Variants in KNG1 observed in about 807,000 individuals in gnomAD.
The protein encoded by KNG1 is kininogen-1.
KNG1 carries 23 observed loss-of-function variants against 47.8 expected under a neutral mutation model. The ratio of observed to expected loss-of-function variants is 0.48; its 90% confidence interval spans 0.35 to 0.68. KNG1 has a LOEUF of 0.68. KNG1 is among the 30% of genes least tolerant of loss of function. The pLI is 0.01. For synonymous variants in KNG1, 277 were observed against 277.0 expected (o/e 1.00, Z 0.00); for missense variants, 762 against 790.2 (o/e 0.96, Z 0.43).
Position 186,724,294 on chromosome 3 carries a change from T to C in KNG1, c.392-794T>C, listed in dbSNP as rs2108622012. ...AGCTCTGTGGTGAAGAAGTCCAGGC[T>C]CCCAGGGGGTCCCTCCAGGTGTGCC... is the stretch of plus-strand genomic sequence containing the variant. On this transcript the variant is annotated intron_variant, in intron 3 of 9. Transcript: ENST00000644859. Among the ~76,000 whole-genome samples, 3 of 152,338 alleles carry C rather than the reference T, an allele frequency of 2.0e-5. No individual in the cohort carries two copies. The East Asian group carries it at 5.8e-4, about 29-fold the overall frequency.
intron 5 of KNG1, among the ~76,000 whole-genome samples, chr3:186,730,509 A>T (rs1477681103): frequency 6.6e-6 from 1 of 151,644 alleles, no homozygotes; most frequent in East Asian, 1.9e-4. Context: ...CAAAAAAATT[A>T]GCCGGGTGTG....
Position 186,742,450 on chromosome 3 carries a change from T to A in KNG1, c.*119T>A. 2 of 1,525,384 alleles carry A rather than the reference T, an allele frequency of 1.3e-6. No individual in the cohort carries two copies. The highest frequency in any genetic ancestry group is 1.2e-5 in the South Asian group (1 of 81,192). 94.5% of individuals were successfully genotyped at this position (1,525,384 alleles called of 1,614,324 possible). A position where few individuals can be genotyped will look rare whatever the true frequency, so the allele number is the denominator to read the frequency against. ...CAAAAACCATGCAGCTTCGGAACAG[T>A]CTAAAGAGAAGTGGTGAGACTCCCA... On this transcript the variant is annotated 3_prime_UTR_variant, in exon 10 of 10. Transcript: ENST00000644859.
At chr3:186,739,814 G>A (rs1384061596) in intron 9 of KNG1, among the ~76,000 whole-genome samples, 2 of 152,218 alleles carry the variant, frequency 1.3e-5, no homozygotes, top group East Asian at 3.9e-4. Flanking sequence ...CACTTTGGGA[G>A]GCTGAAGCAG....
intron 4 of KNG1, 68 bp downstream of exon 4, chr3:186,725,328 T>C: frequency 7.0e-7 from 1 of 1,438,496 alleles, no homozygotes; most frequent in Non-Finnish European, 9.8e-7. Context: ...ATTTAAAATG[T>C]ATGATTGCAT....
In KNG1 at chr3:186,741,624, G is replaced by T. The variant is rs773609264; in HGVS notation, c.1228G>T (p.Ala410Ser). 2 of 1,613,542 alleles carry T rather than the reference G, an allele frequency of 1.2e-6. No homozygotes were observed. The highest frequency in any genetic ancestry group is 1.3e-5 in the African/African-American group (1 of 74,840). Residue 410 changes from alanine to serine, a missense_variant, in exon 10 of 10, where the codon GCA becomes TCA. Transcript: ENST00000644859. ...TGTAAGTCCACCCCACACTTCCATG[G>T]CACCTGCACAAGATGAAGAGCGGGA... The part of the protein sequence containing the change: ...TTVSPPHTSM[A>S]PAQDEERDSG...
intron 2 of KNG1, chr3:186,720,477 C>G (rs1720158760): frequency 6.5e-6 from 3 of 460,346 alleles, no homozygotes; most frequent in African/African-American, 3.9e-5. Context: ...GTGGCTCAGA[C>G]TCCAGAGAGA....
chr3:186,720,540 G>T, intron 2 of KNG1: 18 of 341,036 alleles, frequency 5.3e-5, no homozygotes, highest in South Asian at 1.1e-4. Flanking sequence ...GAGGGGGTGG[G>T]TGCTTCCATT....
intron 7 of KNG1, among the ~76,000 whole-genome samples, chr3:186,738,131 C>A (rs1170351727): frequency 2.0e-5 from 3 of 152,000 alleles, no homozygotes; most frequent in African/African-American, 7.3e-5. Context: ...GTGTGCATCA[C>A]AAAGCCCATC....
intron 4 of KNG1, among the ~76,000 whole-genome samples, chr3:186,726,274 CTT>C (rs774226752): frequency 0.01 from 1,152 of 113,674 alleles, 24 homozygotes; most frequent in Admixed American, 0.059. Context: ...GACTTTTCTT[CTT>C]TTTTTTTTTT....
At chr3:186,731,774 G>A (rs765849676) in intron 6 of KNG1, 145 bp downstream of exon 6, 2 of 694,076 alleles carry the variant, frequency 2.9e-6, no homozygotes, top group East Asian at 2.7e-5. Flanking sequence ...ACCCCTTGAT[G>A]AGAACACTGT....
intron 1 of KNG1, among the ~76,000 whole-genome samples, chr3:186,718,763 A>C (rs1483557938): frequency 6.6e-6 from 1 of 152,188 alleles, no homozygotes; most frequent in Non-Finnish European, 1.5e-5. Flanking sequence ...GTGAGGAATG[A>C]GGTTAATGTG....
At position 186,721,214 on chromosome 3, in the gene KNG1, C is replaced by T. The variant is rs372764686; in HGVS notation, c.306+999C>T. 5.3e-5 allele frequency: 8 copies of T among 152,154 alleles called. No individual in the cohort carries two copies. The East Asian group carries it at 1.5e-3, about 29-fold the overall frequency. 9.4% of individuals were successfully genotyped at this position (152,154 alleles called of 1,614,324 possible). On this transcript the variant is annotated intron_variant, in intron 2 of 9. Transcript: ENST00000644859. ...TAAAAGATGACTGCCAGTCATCTGC[C>T]ATTACCAAAGAGTACTGAACTCCAA...
At position 186,743,907 on chromosome 3, in the gene KNG1, C is replaced by G; in HGVS notation, c.*1576C>G. On this transcript the variant is annotated 3_prime_UTR_variant, in exon 10 of 10. Coordinates refer to ENST00000644859, the MANE Select transcript of KNG1 (RefSeq NM_001102416.3). ...AATAGAGAAGAATGCCATTTTATCACTCTGCCTCTGGGTGAAATAAAGATC... is the reference window on the plus strand; with the variant it reads ...AATAGAGAAGAATGCCATTTTATCAGTCTGCCTCTGGGTGAAATAAAGATC... 1.3e-6 allele frequency: 1 copy of G among 749,030 alleles called. No homozygotes were observed. The highest frequency in any genetic ancestry group is 1.5e-5 in the South Asian group (1 of 68,436). 46.4% of individuals were successfully genotyped at this position (749,030 alleles called of 1,614,324 possible). A position where few individuals can be genotyped will look rare whatever the true frequency, so the allele number is the denominator to read the frequency against.
chr3:186,722,533 A>G lies in KNG1; in HGVS notation c.391+12A>G, dbSNP rs1579114555. The G allele has an allele frequency of 2.5e-6, 4 of 1,595,716 alleles. No individual in the cohort carries two copies. The highest frequency in any genetic ancestry group is 1.7e-4 in the Middle Eastern group (1 of 5,890). On this transcript the variant is annotated intron_variant, in intron 3 of 9. Transcript: ENST00000644859. ...CCAGATTACTCCAGGTGGCTGGTTTATCCTCTGGCACTGCCCTGGTGGGAA... is the reference window on the plus strand; with the variant it reads ...CCAGATTACTCCAGGTGGCTGGTTTGTCCTCTGGCACTGCCCTGGTGGGAA...
intron 7 of KNG1, among the ~76,000 whole-genome samples, chr3:186,733,139 C>T (rs763077377): frequency 7.2e-5 from 11 of 151,884 alleles, no homozygotes; most frequent in Admixed American, 4.6e-4. Context: ...CCAGCTACTC[C>T]AGAGGCTGAG....
chr3:186,720,385 A>G, intron 2 of KNG1, 170 bp downstream of exon 2: 1 of 630,640 alleles, frequency 1.6e-6, no homozygotes, highest in South Asian at 1.9e-5. Context: ...TTGTATAGAC[A>G]GAAAAATCAT....
In KNG1 at chr3:186,730,723, CACACACAT is replaced by C. The variant is rs1400001686; in HGVS notation, c.673-820_673-813del. Among the ~76,000 whole-genome samples, 217 of 115,632 alleles carry C rather than the reference CACACACAT, an allele frequency of 1.9e-3. 2 individuals carry two copies. The highest frequency in any genetic ancestry group is 6.9e-3 in the African/African-American group (203 of 29,326). The allele number at this position is 115,632 out of a possible 152,430, so 75.9% of individuals were successfully genotyped here. On this transcript the variant is annotated intron_variant, in intron 5 of 9. Transcript: ENST00000644859. Reference sequence around the variant, plus strand: ...ATATATATATATATATATACACACACACACACATATATATATACACATATATATATACA... The same window carrying C: ...ATATATATATATATATATACACACACATATATATACACATATATATATACA...
chr3:186,732,366 C>A (rs1186579362), intron 6 of KNG1, 136 bp from the exon 7 acceptor site: 3 of 762,306 alleles, frequency 3.9e-6, no homozygotes, highest in Admixed American at 2.1e-5. Flanking sequence ...AGACAGACAA[C>A]CTTCCCCCAC....
chr3:186,717,879 C>T (rs1455344338), intron 1 of KNG1, 142 bp downstream of exon 1: 37 of 275,826 alleles, frequency 1.3e-4, no homozygotes, highest in African/African-American at 1.1e-3. Flanking sequence ...ACCACCACCA[C>T]CACAACCACC....
Sources: gnomAD v4.1 joint callset for allele counts (sites outside exome capture counted in the v4.1 genomes callset) on GRCh38, gnomAD v4.1.1 for gene constraint, MANE v1.5 for transcripts, NCBI Gene and HGNC (gene_info 2026-07-23, HGNC 2026-07-21) for gene names.